The following LAMA4 variants were observed in gnomAD, a reference collection of about 807,000 sequenced individuals.
LAMA4 encodes the protein laminin subunit alpha 4.
A neutral mutation model predicts 207.1 loss-of-function variants in LAMA4; 127 were observed. The ratio of observed to expected loss-of-function variants is 0.61; its 90% CI spans 0.53 to 0.71. The LOEUF is 0.71. Ranked by LOEUF, LAMA4 falls within the 30% of genes least tolerant of loss-of-function variation. LAMA4 has a pLI of 0.00. For missense variants in LAMA4, 2,093 were observed against 2,246.5 expected (o/e 0.93, Z 1.38); for synonymous variants, 761 against 816.0 (o/e 0.93, Z 1.15).
intron 3 of LAMA4, among the ~76,000 whole-genome samples, chr6:112,215,892 C>T (rs1784598869): frequency 6.6e-6 from 1 of 152,170 alleles, no homozygotes; most frequent in Admixed American, 6.5e-5. Flanking sequence ...TTTTCATCAG[C>T]TATTGGGTTC....
chr6:112,209,677 T>C (rs1784256604), intron 3 of LAMA4, among the ~76,000 whole-genome samples: 1 of 152,212 alleles, frequency 6.6e-6, no homozygotes, highest in South Asian at 2.1e-4. Context: ...TTAGACTAGA[T>C]GGCCTTTCAG....
intron 31 of LAMA4, among the ~76,000 whole-genome samples, chr6:112,126,423 C>T (rs1778692425): frequency 6.6e-6 from 1 of 152,142 alleles, no homozygotes; most frequent in Admixed American, 6.5e-5. Context: ...TAGTATCTTC[C>T]AGCAAAATCC....
chr6:112,209,222 G>T (rs1362343902), intron 3 of LAMA4, among the ~76,000 whole-genome samples: 1 of 152,316 alleles, frequency 6.6e-6, no homozygotes, highest in East Asian at 1.9e-4. Flanking sequence ...CTGGACGGAT[G>T]AAGCCCCTCT....
rs151312927 is a variant in LAMA4, at chr6:112,154,404, G to A, written c.2056+447C>T. Among the ~76,000 whole-genome samples the A allele has an allele frequency of 6.1e-3, 918 of 151,454 alleles. 12 individuals are homozygous for A. The highest frequency in any genetic ancestry group is 0.021 in the African/African-American group (883 of 41,330). On this transcript the variant is annotated intron_variant, in intron 16 of 38. Transcript: ENST00000230538. Reference sequence around the variant, plus strand: ...AAGCAAATAACCAGATGGCTTTGTGGTACCCTGTCATCCTAATTGACTCAC... The same window carrying A: ...AAGCAAATAACCAGATGGCTTTGTGATACCCTGTCATCCTAATTGACTCAC...
chr6:112,181,907 A>G (rs2114914383), intron 9 of LAMA4, among the ~76,000 whole-genome samples: 1 of 151,992 alleles, frequency 6.6e-6, no homozygotes, highest in East Asian at 1.9e-4. Context: ...GACCAACCTG[A>G]CCAACATGGT....
rs532918467 is a variant in LAMA4, at chr6:112,244,045, T to G, written c.195+9911A>C. On this transcript the variant is annotated intron_variant, in intron 2 of 38. Transcript: ENST00000230538. The stretch of plus-strand genomic sequence containing the variant: ...TGCACCCCAGCCTGGGCAACAGAGC[T>G]CTGCCTCAAAAATAAATAAATAAAC... Among the ~76,000 whole-genome samples the G allele has an allele frequency of 1.0e-3, 156 of 152,190 alleles. 1 individual carries two copies. Among genetic ancestry groups the G allele is most frequent in the African/African-American group, 3.4e-3 (143 of 41,522 alleles).
At chr6:112,241,036 T>C (rs1786388108) in intron 2 of LAMA4, among the ~76,000 whole-genome samples, 1 of 148,404 alleles carries the variant, frequency 6.7e-6, no homozygotes. Context: ...AAGTTGTAGG[T>C]CCACAAAGTA....
Position 112,216,363 on chromosome 6 carries a change from C to G in LAMA4, c.297+5G>C. 6.3e-7 allele frequency: 1 copy of G among 1,597,884 alleles called. No individual in the cohort carries two copies. The highest frequency in any genetic ancestry group is 1.1e-5 in the South Asian group (1 of 90,786). ...ACGTGAAGTGTTATAGGTGCCCCAA[C>G]TTACCACACAGTATCCTGAGCCGTC... is the stretch of plus-strand genomic sequence containing the variant. On this transcript the variant is annotated splice_donor_5th_base_variant and intron_variant, in intron 3 of 38. Coordinates refer to ENST00000230538, the MANE Select transcript of LAMA4 (RefSeq NM_001105206.3).
intron 12 of LAMA4, among the ~76,000 whole-genome samples, chr6:112,170,246 C>T (rs1554341360): frequency 6.6e-6 from 1 of 152,182 alleles, no homozygotes; most frequent in Admixed American, 6.5e-5. Context: ...AAACATTACT[C>T]CCTGTGGCTA....
intron 2 of LAMA4, among the ~76,000 whole-genome samples, chr6:112,252,072 AC>A (rs1454893248): frequency 1.3e-5 from 2 of 152,368 alleles, no homozygotes; most frequent in East Asian, 3.9e-4. Context: ...TTTTATAGTA[AC>A]AATTGTAACA....
At chr6:112,210,203 T>C (rs1160093900) in intron 3 of LAMA4, among the ~76,000 whole-genome samples, 1 of 148,698 alleles carries the variant, frequency 6.7e-6, no homozygotes, top group Non-Finnish European at 1.5e-5. Context: ...CTCAGGTACG[T>C]CTTTTTTTTT....
At chr6:112,158,433 C>A in intron 14 of LAMA4, 2 of 372,600 alleles carry the variant, frequency 5.4e-6, no homozygotes, top group African/African-American at 2.1e-5. Context: ...GAACAGACAC[C>A]CCCCTCTTCC....
intron 2 of LAMA4, among the ~76,000 whole-genome samples, chr6:112,225,171 C>A (rs12661406): frequency 6.6e-6 from 1 of 151,842 alleles, no homozygotes; most frequent in Non-Finnish European, 1.5e-5. Context: ...TCTACATATC[C>A]CTGATCTTAG....
chr6:112,253,999 C>T lies in LAMA4; in HGVS notation c.152G>A (p.Ser51Asn). 6.3e-7 allele frequency: 1 copy of T among 1,586,840 alleles called. No individual in the cohort carries two copies. ...GCGTCCCAGAGCCACGCGGGGTTCG[C>T]TCGTCTCAGGCGGGTCTTGCCTGCC... Reference protein sequence around the residue: ...AVGRQDPPETSEPRVALGRLP... With the variant: ...AVGRQDPPETNEPRVALGRLP... Residue 51 changes from serine (S) to asparagine (N), a missense_variant, in exon 2 of 39, where the codon AGC (serine) becomes AAC (asparagine). This residue lies in a region of LAMA4 where 1,704 missense variants were observed against 1,788.4 expected (regional missense o/e 0.95). Coordinates refer to ENST00000230538, the MANE Select transcript of LAMA4 (RefSeq NM_001105206.3).
rs727505042 is a variant in LAMA4, at chr6:112,120,476, G to T, written c.4476-4C>A. ...CAGACGAATGGAAAACTGAGATCTG[G>T]TAAATGAAAAGAAAGGGATTACCAT... On this transcript the variant is annotated splice_region_variant and splice_polypyrimidine_tract_variant and intron_variant, in intron 32 of 38. Coordinates refer to ENST00000230538, the MANE Select transcript of LAMA4 (RefSeq NM_001105206.3). 7.5e-6 allele frequency: 12 copies of T among 1,609,492 alleles called. No homozygotes were observed. Among genetic ancestry groups the T allele is most frequent in the Non-Finnish European group, 8.5e-6 (10 of 1,176,082 alleles).
At chr6:112,157,489 T>C (rs1780787882) in intron 14 of LAMA4, among the ~76,000 whole-genome samples, 1 of 152,246 alleles carries the variant, frequency 6.6e-6, no homozygotes, top group Non-Finnish European at 1.5e-5. Context: ...AAGATGTCTC[T>C]AAGTTGAAAT....
chr6:112,137,555 C>T (rs1353396569), intron 24 of LAMA4, among the ~76,000 whole-genome samples: 1 of 152,250 alleles, frequency 6.6e-6, no homozygotes, highest in Non-Finnish European at 1.5e-5. Flanking sequence ...GGGTTCCACA[C>T]TTGAAGAGTT....
chr6:112,126,514 A>G (rs1223586286), intron 31 of LAMA4, among the ~76,000 whole-genome samples: 1 of 152,250 alleles, frequency 6.6e-6, no homozygotes, highest in African/African-American at 2.4e-5. Flanking sequence ...TTTTAATTAT[A>G]CACACACAAA....
intron 31 of LAMA4, among the ~76,000 whole-genome samples, chr6:112,124,364 G>T (rs1554326913): frequency 1.3e-5 from 2 of 152,180 alleles, no homozygotes. Flanking sequence ...GGGAATACAT[G>T]ACTATGTAGG....
Sources: gnomAD v4.1 joint callset for allele counts (sites outside exome capture counted in the v4.1 genomes callset) on GRCh38, gnomAD v4.1.1 for gene constraint, gnomAD v4.1.1 regional missense constraint, MANE v1.5 for transcripts, NCBI Gene and HGNC (gene_info 2026-07-23, HGNC 2026-07-21) for gene names.